Variants in SNTG1 observed in about 807,000 individuals in gnomAD.
The protein encoded by SNTG1 is gamma-1-syntrophin.
SNTG1 carries 39 observed loss-of-function variants against 74.7 expected under a neutral mutation model. The ratio of observed to expected loss-of-function variants is 0.52; its 90% CI spans 0.40 to 0.68. The LOEUF is 0.68. SNTG1 is among the 30% of genes least tolerant of loss of function. The probability of loss-of-function intolerance (pLI) is 0.00; values close to 1 mark genes in which losing one functional copy is unlikely to be tolerated. For missense variants in SNTG1, 685 were observed against 609.5 expected (o/e 1.12, Z -1.30); for synonymous variants, 254 against 217.1 (o/e 1.17, Z -1.49).
chr8:50,574,218 A>G (rs1407595339), intron 12 of SNTG1, among the ~76,000 whole-genome samples: 1 of 152,096 alleles, frequency 6.6e-6, no homozygotes, highest in East Asian at 1.9e-4. Flanking sequence ...ACTATTTTTT[A>G]CCATTCCATT....
chr8:50,549,544 T>C (rs1376381558), intron 11 of SNTG1, among the ~76,000 whole-genome samples: 2 of 152,138 alleles, frequency 1.3e-5, no homozygotes, highest in African/African-American at 4.8e-5. Context: ...AATATAAACA[T>C]GATCCTTTTC....
At chr8:50,748,959 A>G (rs934789846) in intron 17 of SNTG1, among the ~76,000 whole-genome samples, 3 of 152,034 alleles carry the variant, frequency 2.0e-5, no homozygotes, top group East Asian at 1.9e-4. Flanking sequence ...TAAGCATTCA[A>G]ATGAAAGACT....
chr8:50,593,452 TAAAG>T (rs1428899174), intron 13 of SNTG1, among the ~76,000 whole-genome samples: 4 of 151,672 alleles, frequency 2.6e-5, no homozygotes, highest in South Asian at 2.1e-4. Flanking sequence ...ATTTTTTAAA[TAAAG>T]AAATCAAAAT....
chr8:50,659,798 C>T (rs778374449), intron 15 of SNTG1, among the ~76,000 whole-genome samples: 3 of 152,182 alleles, frequency 2.0e-5, no homozygotes, highest in African/African-American at 7.2e-5. Flanking sequence ...AGATCATACA[C>T]GACTCCAGTT....
At chr8:50,179,537 T>C (rs1264940776) in intron 2 of SNTG1, among the ~76,000 whole-genome samples, 1 of 152,062 alleles carries the variant, frequency 6.6e-6, no homozygotes, top group African/African-American at 2.4e-5. Context: ...AAGCTATACA[T>C]CTGATAAGAA....
chr8:50,353,543 A>T (rs1385355665), intron 2 of SNTG1, among the ~76,000 whole-genome samples: 1 of 152,184 alleles, frequency 6.6e-6, no homozygotes, highest in Non-Finnish European at 1.5e-5. Context: ...CCTTGATGAT[A>T]CCTTGATTCA....
At chr8:50,134,889 G>C (rs1355024071) in intron 1 of SNTG1, among the ~76,000 whole-genome samples, 1 of 152,040 alleles carries the variant, frequency 6.6e-6, no homozygotes, top group Non-Finnish European at 1.5e-5. Flanking sequence ...TCTTCCAGTG[G>C]TTATAAAGTA....
chr8:50,631,230 T>A (rs74715049), intron 13 of SNTG1, among the ~76,000 whole-genome samples: 6,561 of 152,314 alleles, frequency 0.043, 246 homozygotes, highest in African/African-American at 0.095. Context: ...ATACATTTCC[T>A]GTCTCAGGAA....
At chr8:50,373,560 A>G (rs1354482231) in intron 2 of SNTG1, among the ~76,000 whole-genome samples, 1 of 152,178 alleles carries the variant, frequency 6.6e-6, no homozygotes, top group East Asian at 1.9e-4. Context: ...AGTTTCCTCA[A>G]CCTCACAATA....
chr8:50,649,359 C>T (rs1236423129), intron 13 of SNTG1, among the ~76,000 whole-genome samples: 2 of 152,018 alleles, frequency 1.3e-5, no homozygotes, highest in Admixed American at 6.6e-5. Context: ...ATTAGCCGGA[C>T]GTTATGGTGC....
At chr8:50,709,221 G>C (rs1025728791) in intron 17 of SNTG1, 20 of 462,360 alleles carry the variant, frequency 4.3e-5, no homozygotes, top group African/African-American at 3.0e-4. Flanking sequence ...GTCTATCTAT[G>C]TATGTATCTA....
intron 1 of SNTG1, among the ~76,000 whole-genome samples, chr8:49,970,210 T>C (rs975172306): frequency 1.3e-5 from 2 of 151,856 alleles, no homozygotes; most frequent in Admixed American, 6.6e-5. Context: ...GCCTATTTGA[T>C]GAGTAAGAGG....
Position 50,422,333 on chromosome 8 carries a change from G to GAA in SNTG1, c.163-16209_163-16208insAA, listed in dbSNP as rs1161710293. ...AATTGATTGACCAAGTAGACAAAAA[G>GAA]ATATATAGAAGGACTCAGAAACATT... On this transcript the variant is annotated intron_variant, in intron 4 of 18. Transcript: ENST00000642720. 5.5e-3 allele frequency among the ~76,000 whole-genome samples: 130 copies of GAA among 23,790 alleles called. 2 individuals carry two copies. In the Admixed American group the frequency reaches 0.088, roughly 16 times the overall value. 15.6% of individuals were successfully genotyped at this position (23,790 alleles called of 152,430 possible).
chr8:50,739,774 A>G (rs1471897501), intron 17 of SNTG1, among the ~76,000 whole-genome samples: 1 of 152,098 alleles, frequency 6.6e-6, no homozygotes, highest in Non-Finnish European at 1.5e-5. Flanking sequence ...GTTCAAAACC[A>G]GACACATATA....
chr8:50,095,224 G>A (rs2079883543), intron 1 of SNTG1, among the ~76,000 whole-genome samples: 1 of 151,584 alleles, frequency 6.6e-6, no homozygotes, highest in East Asian at 1.9e-4. Flanking sequence ...CTACCTGGGT[G>A]ATGTGATCAT....
At chr8:50,660,373 AGAAGGAAG>A (rs33952736) in intron 15 of SNTG1, among the ~76,000 whole-genome samples, 1 of 140,814 alleles carries the variant, frequency 7.1e-6, no homozygotes, top group East Asian at 2.1e-4. Context: ...AGAGAGAGAA[AGAAGGAAG>A]GAAGGAAGGA....
chr8:50,476,012 C>T (rs1474084221), intron 8 of SNTG1, among the ~76,000 whole-genome samples: 2 of 152,100 alleles, frequency 1.3e-5, no homozygotes, highest in African/African-American at 2.4e-5. Context: ...CTCCAGTCCC[C>T]CATGGACTTG....
At chr8:50,436,507 T>G (rs1195231193) in intron 4 of SNTG1, among the ~76,000 whole-genome samples, 1 of 152,086 alleles carries the variant, frequency 6.6e-6, no homozygotes, top group Non-Finnish European at 1.5e-5. Context: ...GCCAGGGTCT[T>G]TTACAAATGT....
intron 2 of SNTG1, among the ~76,000 whole-genome samples, chr8:50,225,891 G>A (rs953613070): frequency 2.0e-5 from 3 of 152,020 alleles, no homozygotes; most frequent in Non-Finnish European, 2.9e-5. Context: ...ATTGACAATT[G>A]GCATAGTATT....
Sources: gnomAD v4.1 joint callset for allele counts (sites outside exome capture counted in the v4.1 genomes callset) on GRCh38, gnomAD v4.1.1 for gene constraint, MANE v1.5 for transcripts, NCBI Gene and HGNC (gene_info 2026-07-23, HGNC 2026-07-21) for gene names.